Variants in TAAR5 observed in about 807,000 individuals in gnomAD.
TAAR5 encodes trace amine-associated receptor 5.
TAAR5 carries 27 observed loss-of-function variants against 21.1 expected under a neutral mutation model. That is an observed-to-expected ratio of 1.28 (90% CI 0.94 to 1.76). The LOEUF is 1.76. Ranked by LOEUF, TAAR5 falls within the 40% of genes most tolerant of loss-of-function variation. The pLI is 0.00. For missense variants in TAAR5, 495 were observed against 405.6 expected (o/e 1.22, Z -1.89); for synonymous variants, 203 against 167.5 (o/e 1.21, Z -1.64).
chr6:132,599,048 G>C, the TAAR5 span, among the ~76,000 whole-genome samples: 2 of 152,014 alleles, frequency 1.3e-5, no homozygotes, highest in Non-Finnish European at 2.9e-5. Context: ...CCTTCATACT[G>C]CAGTTCTTTT....
At chr6:132,595,903 C>T in the TAAR5 span, among the ~76,000 whole-genome samples, 11 of 152,144 alleles carry the variant, frequency 7.2e-5, no homozygotes, top group Non-Finnish European at 1.3e-4. Context: ...TATGCTGATG[C>T]TTCCTTTTTA....
chr6:132,610,795 G>T, the TAAR5 span, among the ~76,000 whole-genome samples: 8 of 152,292 alleles, frequency 5.3e-5, no homozygotes, highest in East Asian at 1.5e-3. Context: ...TGCGTTGAGA[G>T]TTCTCCTAGT....
the TAAR5 span, among the ~76,000 whole-genome samples, chr6:132,601,912 G>A: frequency 6.6e-6 from 1 of 152,324 alleles, no homozygotes; most frequent in East Asian, 1.9e-4. Context: ...TGAGGAGGAT[G>A]TCTGAAAGAC....
At chr6:132,606,189 T>G in the TAAR5 span, among the ~76,000 whole-genome samples, 2 of 152,108 alleles carry the variant, frequency 1.3e-5, no homozygotes, top group South Asian at 2.1e-4. Flanking sequence ...TCATCCATAC[T>G]CCAAACATCA....
the TAAR5 span, among the ~76,000 whole-genome samples, chr6:132,604,746 C>A: frequency 1.3e-5 from 2 of 152,164 alleles, no homozygotes; most frequent in African/African-American, 2.4e-5. Flanking sequence ...TCAGGTCCAA[C>A]AGGAAACAGA....
At chr6:132,595,996 A>C in the TAAR5 span, among the ~76,000 whole-genome samples, 3 of 152,220 alleles carry the variant, frequency 2.0e-5, no homozygotes, top group East Asian at 1.9e-4. Context: ...TTATCTCTCC[A>C]GTATGGAGAA....
chr6:132,600,300 G>A, the TAAR5 span, among the ~76,000 whole-genome samples: 1 of 152,120 alleles, frequency 6.6e-6, no homozygotes, highest in South Asian at 2.1e-4. Context: ...ACATTTACAT[G>A]CCTTCTTTGA....
upstream of TAAR5, among the ~76,000 whole-genome samples, chr6:132,592,480 A>G (rs1383088905): frequency 6.6e-6 from 1 of 152,228 alleles, no homozygotes; most frequent in African/African-American, 2.4e-5. Flanking sequence ...ATTCCTCAAA[A>G]TCTGTCTGAT....
At chr6:132,596,841 G>C in the TAAR5 span, among the ~76,000 whole-genome samples, 2 of 151,968 alleles carry the variant, frequency 1.3e-5, no homozygotes, top group East Asian at 1.9e-4. Context: ...GTTCTAAAAG[G>C]CTGCAAATAA....
chr6:132,611,844 C>T, the TAAR5 span, among the ~76,000 whole-genome samples: 11 of 152,240 alleles, frequency 7.2e-5, no homozygotes, highest in South Asian at 1.0e-3. Context: ...GTTAAGTTAG[C>T]CCCCAGTTTA....
the TAAR5 span, among the ~76,000 whole-genome samples, chr6:132,607,976 G>A: frequency 1.3e-5 from 2 of 152,140 alleles, no homozygotes; most frequent in Non-Finnish European, 2.9e-5. Context: ...TCTGAACTAT[G>A]TTTTATATTT....
At chr6:132,603,534 CT>C in the TAAR5 span, among the ~76,000 whole-genome samples, 1 of 149,792 alleles carries the variant, frequency 6.7e-6, no homozygotes, top group East Asian at 1.9e-4. Flanking sequence ...ATCAATATCG[CT>C]TGTATTCATT....
chr6:132,589,482 TG>T lies in TAAR5; in HGVS notation c.204del (p.Thr69ProfsTer80). ...GCCAGGGAGAGCAGCAGGAAGTTGGTGGGCGTGTGAAGCGCTTTGAAGTAGG... is the reference window on the plus strand; with the variant it reads ...GCCAGGGAGAGCAGCAGGAAGTTGGTGGCGTGTGAAGCGCTTTGAAGTAGG... ...AVSYFKALHTPTNFLLLSLAL... is the reference protein window; with the variant it reads ...AVSYFKALHTXTNFLLLSLAL... On this transcript the variant is annotated frameshift_variant, in exon 1 of 1. Transcript: ENST00000258034. LOFTEE classifies it high-confidence loss of function. The T allele has an allele frequency of 6.2e-7, 1 of 1,613,878 alleles. No individual in the cohort carries two copies. The highest frequency in any genetic ancestry group is 8.5e-7 in the Non-Finnish European group (1 of 1,179,910).
the TAAR5 span, among the ~76,000 whole-genome samples, chr6:132,601,431 G>C: frequency 2.8e-4 from 42 of 152,306 alleles, 1 homozygote; most frequent in East Asian, 4.2e-3. Flanking sequence ...GCTTACCATT[G>C]TGTTCTGTGC....
chr6:132,602,440 T>C, the TAAR5 span, among the ~76,000 whole-genome samples: 1 of 152,184 alleles, frequency 6.6e-6, no homozygotes, highest in Non-Finnish European at 1.5e-5. Context: ...ATCCGTTGCA[T>C]GCGCAGCTCA....
chr6:132,609,242 C>T, the TAAR5 span: 1 of 346,408 alleles, frequency 2.9e-6, no homozygotes. Flanking sequence ...TTTTGGACAA[C>T]TGGATAGGTC....
the TAAR5 span, among the ~76,000 whole-genome samples, chr6:132,600,469 TC>T: frequency 6.6e-6 from 1 of 152,070 alleles, no homozygotes; most frequent in Non-Finnish European, 1.5e-5. Flanking sequence ...GGCTCTGAAC[TC>T]CCCAATCGGC....
At chr6:132,591,491 A>G (rs555689006), upstream of TAAR5, among the ~76,000 whole-genome samples, 4 of 152,212 alleles carry the variant, frequency 2.6e-5, no homozygotes, top group Admixed American at 6.5e-5. Context: ...AAAGCTCCCT[A>G]TAGCCTGGCT....
chr6:132,590,096 T>C (rs17061476), upstream of TAAR5, among the ~76,000 whole-genome samples: 4,452 of 152,318 alleles, frequency 0.029, 131 homozygotes, highest in Admixed American at 0.094. Context: ...GTATTTTTTG[T>C]CAAATGTAAA....
Sources: allele counts gnomAD v4.1 joint callset (sites outside exome capture counted in the v4.1 genomes callset), GRCh38; gene constraint gnomAD v4.1.1; transcripts MANE v1.5; gene names NCBI Gene and HGNC (gene_info 2026-07-23, HGNC 2026-07-21).